Variants in EXOC4 observed in about 807,000 individuals in gnomAD.
EXOC4 encodes exocyst complex component 4, also known as SEC8-like 1.
A neutral mutation model predicts 107.2 loss-of-function variants in EXOC4; 71 were observed. The ratio of observed to expected loss-of-function variants is 0.66; its 90% CI spans 0.55 to 0.81. EXOC4 has a LOEUF of 0.81. Among genes scored for constraint, EXOC4 ranks in the 30% least tolerant of loss-of-function variants. The pLI is 0.00. For synonymous variants in EXOC4, 456 were observed against 441.2 expected, an observed-to-expected ratio of 1.03 and a Z score of -0.42; for missense variants, 1,108 against 1,189.6, an observed-to-expected ratio of 0.93 and a Z score of 1.01.
chr7:133,494,419 A>G (rs1425422598), intron 9 of EXOC4, among the ~76,000 whole-genome samples: 2 of 152,228 alleles, frequency 1.3e-5, no homozygotes, highest in Non-Finnish European at 2.9e-5. Flanking sequence ...TATGGATATC[A>G]TTCCCCACAG....
chr7:133,526,957 C>T (rs1353112268), intron 9 of EXOC4, among the ~76,000 whole-genome samples: 3 of 150,590 alleles, frequency 2.0e-5, no homozygotes, highest in Non-Finnish European at 3.0e-5. Flanking sequence ...GGCAACAGAG[C>T]GAGACTCCGT....
In EXOC4 at chr7:133,473,706, G is replaced by GT. The variant is rs984238316; in HGVS notation, c.1183-1610dup. On this transcript the variant is annotated intron_variant, in intron 7 of 17. Transcript: ENST00000253861. ...GAATGCACCAATATTACTGGGTCTT[G>GT]TTTTTTTTTTTTAAAACGGAGCCTC... 3.2e-3 allele frequency among the ~76,000 whole-genome samples: 468 copies of GT among 144,642 alleles called. 2 individuals carry two copies. The highest frequency in any genetic ancestry group is 0.01 in the Middle Eastern group (3 of 286). 94.9% of individuals were successfully genotyped at this position (144,642 alleles called of 152,430 possible).
chr7:133,576,644 A>G (rs1801135981), intron 9 of EXOC4: 1 of 1,289,638 alleles, frequency 7.8e-7, no homozygotes, highest in African/African-American at 1.5e-5. Flanking sequence ...ATGTGATCTC[A>G]CTCAGTTGAA....
At position 133,381,373 on chromosome 7, in the gene EXOC4, T is replaced by C. The variant is rs115176085; in HGVS notation, c.1182+6371T>C. 2.4e-3 allele frequency among the ~76,000 whole-genome samples: 365 copies of C among 152,218 alleles called. 5 individuals are homozygous for C. Among genetic ancestry groups the C allele is most frequent in the African/African-American group, 8.2e-3 (341 of 41,542 alleles). On this transcript the variant is annotated intron_variant, in intron 7 of 17. Transcript: ENST00000253861. ...GTAGTAGATGTAATATGTAATGTTA[T>C]TATTCTGAGACATGTTGAATGGCCC...
chr7:133,795,282 A>G (rs927538811), intron 10 of EXOC4, among the ~76,000 whole-genome samples: 10 of 152,106 alleles, frequency 6.6e-5, no homozygotes, highest in African/African-American at 2.4e-4. Context: ...TCAGCACACT[A>G]ATGTCTCCTT....
At chr7:133,751,850 C>G (rs1795799812) in intron 10 of EXOC4, among the ~76,000 whole-genome samples, 1 of 151,814 alleles carries the variant, frequency 6.6e-6, no homozygotes, top group South Asian at 2.1e-4. Context: ...TTATTTTCTT[C>G]AAGACCAGCA....
At chr7:133,306,130 C>T (rs1794749408) in intron 4 of EXOC4, 69 bp downstream of exon 4, 1 of 1,313,904 alleles carries the variant, frequency 7.6e-7, no homozygotes, top group South Asian at 1.6e-5. Context: ...TTTTGTTTCC[C>T]AGAATGTTGT....
chr7:133,966,361 A>G (rs923244664), intron 14 of EXOC4, among the ~76,000 whole-genome samples: 3 of 152,196 alleles, frequency 2.0e-5, no homozygotes, highest in South Asian at 2.1e-4. Flanking sequence ...TTCCAATACT[A>G]TGTTGAATAG....
chr7:133,408,466 T>C (rs1797279419), intron 7 of EXOC4, among the ~76,000 whole-genome samples: 1 of 150,796 alleles, frequency 6.6e-6, no homozygotes. Context: ...ATGATGGTGA[T>C]GATGATGATG....
intron 9 of EXOC4, among the ~76,000 whole-genome samples, chr7:133,488,725 G>T (rs1799316248): frequency 6.6e-6 from 1 of 151,992 alleles, no homozygotes; most frequent in African/African-American, 2.4e-5. Flanking sequence ...CAAAAACCGA[G>T]AAACAGCTCA....
chr7:133,883,997 A>G (rs1218037287), intron 11 of EXOC4, among the ~76,000 whole-genome samples: 3 of 152,248 alleles, frequency 2.0e-5, no homozygotes, highest in Non-Finnish European at 4.4e-5. Flanking sequence ...GCTACAGCTT[A>G]GAGCTGATAG....
chr7:133,780,932 A>T (rs181378887), intron 10 of EXOC4, among the ~76,000 whole-genome samples: 1 of 152,288 alleles, frequency 6.6e-6, no homozygotes, highest in East Asian at 1.9e-4. Flanking sequence ...CCATCTAAGG[A>T]TCCCTTTTGT....
At chr7:133,606,546 A>C (rs1801952646) in intron 9 of EXOC4, among the ~76,000 whole-genome samples, 1 of 144,174 alleles carries the variant, frequency 6.9e-6, no homozygotes, top group African/African-American at 2.6e-5. Flanking sequence ...GTGGAGTCTC[A>C]CTCTCTTGCC....
intron 10 of EXOC4, among the ~76,000 whole-genome samples, chr7:133,664,115 C>G (rs1793758583): frequency 6.6e-6 from 1 of 152,148 alleles, no homozygotes; most frequent in African/African-American, 2.4e-5. Flanking sequence ...CGGCTTTTCT[C>G]AAACGTTACC....
At chr7:133,354,611 G>A (rs529073751) in intron 5 of EXOC4, among the ~76,000 whole-genome samples, 4 of 152,188 alleles carry the variant, frequency 2.6e-5, no homozygotes, top group South Asian at 4.2e-4. Context: ...ATTGGAGGAG[G>A]TGCAACAACA....
At chr7:133,773,713 T>G (rs1026329293) in intron 10 of EXOC4, among the ~76,000 whole-genome samples, 11 of 152,132 alleles carry the variant, frequency 7.2e-5, no homozygotes, top group African/African-American at 2.6e-4. Context: ...GGCACTTCTT[T>G]CCTTGCACTT....
chr7:133,417,406 C>T (rs111682528), intron 7 of EXOC4, among the ~76,000 whole-genome samples: 196 of 152,240 alleles, frequency 1.3e-3, no homozygotes, highest in African/African-American at 4.6e-3. Context: ...GACTGCGTGT[C>T]AACTGAAACC....
rs56408972 is a variant in EXOC4, at chr7:133,792,553, C to CA, written c.1515-24752dup. Reference sequence around the variant, plus strand: ...GGGTAACAGAGTGAGACCCTGTCTCCAAAAAAAAAAAAAAAAAAAACCTAA... The same window carrying CA: ...GGGTAACAGAGTGAGACCCTGTCTCCAAAAAAAAAAAAAAAAAAAAACCTAA... On this transcript the variant is annotated intron_variant, in intron 10 of 17. Transcript: ENST00000253861. Among the ~76,000 whole-genome samples, 49 of 73,578 alleles carry CA rather than the reference C, an allele frequency of 6.7e-4. 7 individuals are homozygous for CA. Among genetic ancestry groups the CA allele is most frequent in the East Asian group, 1.7e-3 (4 of 2,390 alleles). 48.3% of individuals were successfully genotyped at this position (73,578 alleles called of 152,430 possible). A position where few individuals can be genotyped will look rare whatever the true frequency, so the allele number is the denominator to read the frequency against.
intron 10 of EXOC4, among the ~76,000 whole-genome samples, chr7:133,757,588 A>G (rs1429131003): frequency 1.3e-5 from 2 of 152,268 alleles, no homozygotes; most frequent in African/African-American, 2.4e-5. Flanking sequence ...CAATAATCCC[A>G]CAGTGGGATA....
Sources: allele counts gnomAD v4.1 joint callset (sites outside exome capture counted in the v4.1 genomes callset), GRCh38; gene constraint gnomAD v4.1.1; transcripts MANE v1.5; gene names NCBI Gene and HGNC (gene_info 2026-07-23, HGNC 2026-07-21).